Variants in CACNB2 observed in about 807,000 individuals in gnomAD.
CACNB2 encodes voltage-dependent L-type calcium channel subunit beta-2.
CACNB2 carries 42 observed loss-of-function variants against 73.3 expected under a neutral mutation model. That is an observed-to-expected ratio of 0.57 (90% CI 0.45 to 0.74). The LOEUF (loss-of-function observed/expected upper bound fraction) is 0.74, where lower values mean the gene tolerates loss of function less well. CACNB2 is among the 30% of genes least tolerant of loss of function. The pLI, the probability that CACNB2 is intolerant of heterozygous loss-of-function variation, is 0.00. For missense variants in CACNB2, 940 were observed against 853.0 expected (o/e 1.10, Z -1.27); for synonymous variants, 348 against 310.3 (o/e 1.12, Z -1.28).
intron 9 of CACNB2, among the ~76,000 whole-genome samples, chr10:18,519,449 G>A (rs1247672782): frequency 5.9e-5 from 9 of 152,188 alleles, no homozygotes; most frequent in African/African-American, 2.2e-4. Flanking sequence ...AACCCCGCCT[G>A]TGGAGTTGCA....
intron 2 of CACNB2, among the ~76,000 whole-genome samples, chr10:18,155,896 ATT>A (rs577385859): frequency 4.9e-3 from 91 of 18,572 alleles, no homozygotes; most frequent in African/African-American, 0.012. Flanking sequence ...GAGAGAACAT[ATT>A]ATATATATAT....
intron 3 of CACNB2, among the ~76,000 whole-genome samples, chr10:18,494,613 C>G (rs2049668499): frequency 8.0e-6 from 1 of 125,710 alleles, no homozygotes; most frequent in Admixed American, 9.8e-5. Flanking sequence ...GCCTGGGTGA[C>G]AGAGTGAGAC....
intron 2 of CACNB2, among the ~76,000 whole-genome samples, chr10:18,379,947 A>C (rs1182759952): frequency 6.6e-6 from 1 of 152,170 alleles, no homozygotes; most frequent in Non-Finnish European, 1.5e-5. Flanking sequence ...TTGGTCTCCC[A>C]AGGTGCTGGG....
At chr10:18,379,048 T>C (rs1289584603) in intron 2 of CACNB2, among the ~76,000 whole-genome samples, 1 of 152,104 alleles carries the variant, frequency 6.6e-6, no homozygotes, top group Non-Finnish European at 1.5e-5. Flanking sequence ...CTAGAGAGAA[T>C]TTCTTCTGTG....
chr10:18,476,957 T>G (rs1175603150), intron 3 of CACNB2, among the ~76,000 whole-genome samples: 1 of 151,088 alleles, frequency 6.6e-6, no homozygotes, highest in African/African-American at 2.4e-5. Context: ...GAGGCAGAGA[T>G]AGCAGTGAGC....
At chr10:18,514,153 A>T in intron 6 of CACNB2, 83 bp from the exon 7 acceptor site, 1 of 1,421,198 alleles carries the variant, frequency 7.0e-7, no homozygotes, top group Non-Finnish European at 9.9e-7. Flanking sequence ...TACTATGGTT[A>T]GTTTTATTTG....
At chr10:18,262,070 A>C (rs1336668491) in intron 2 of CACNB2, 9 of 516,750 alleles carry the variant, frequency 1.7e-5, no homozygotes, top group African/African-American at 1.7e-4. Flanking sequence ...TGTAAAAGGG[A>C]ACAGGAGGTT....
chr10:18,317,795 T>C (rs1483647214), intron 2 of CACNB2, among the ~76,000 whole-genome samples: 3 of 152,176 alleles, frequency 2.0e-5, no homozygotes, highest in African/African-American at 7.2e-5. Flanking sequence ...ATTCCATACA[T>C]ATTTATTGAG....
intron 2 of CACNB2, among the ~76,000 whole-genome samples, chr10:18,232,865 A>G (rs2036274997): frequency 6.6e-6 from 1 of 152,188 alleles, no homozygotes; most frequent in African/African-American, 2.4e-5. Context: ...AGACAGGCAG[A>G]TGGCTTGAGC....
At chr10:18,495,467 C>T (rs1218725890) in intron 3 of CACNB2, among the ~76,000 whole-genome samples, 1 of 152,140 alleles carries the variant, frequency 6.6e-6, no homozygotes, top group East Asian at 1.9e-4. Context: ...GATCCTCCCA[C>T]CTTGGCCTCC....
At chr10:18,345,419 ACT>A (rs765325247) in intron 2 of CACNB2, among the ~76,000 whole-genome samples, 7 of 152,230 alleles carry the variant, frequency 4.6e-5, no homozygotes, top group Non-Finnish European at 7.4e-5. Flanking sequence ...ATATTTATAT[ACT>A]CTCTGTATTT....
At chr10:18,322,876 A>T (rs2040443933) in intron 2 of CACNB2, among the ~76,000 whole-genome samples, 1 of 142,886 alleles carries the variant, frequency 7.0e-6, no homozygotes, top group African/African-American at 2.6e-5. Context: ...AATATTTTTA[A>T]TTTTTTTTTT....
chr10:18,488,446 G>A (rs972244264), intron 3 of CACNB2, among the ~76,000 whole-genome samples: 3 of 138,454 alleles, frequency 2.2e-5, no homozygotes, highest in African/African-American at 8.5e-5. Context: ...CTGCACTCCG[G>A]CCTGGGCGAC....
chr10:18,496,582 GC>G (rs1488295195), intron 3 of CACNB2, among the ~76,000 whole-genome samples: 10 of 152,062 alleles, frequency 6.6e-5, no homozygotes, highest in Admixed American at 6.5e-4. Context: ...GGAGGCCAAG[GC>G]AGGCAGATCA....
intron 2 of CACNB2, among the ~76,000 whole-genome samples, chr10:18,209,224 A>G (rs2035221193): frequency 6.6e-6 from 1 of 152,174 alleles, no homozygotes; most frequent in South Asian, 2.1e-4. Flanking sequence ...TTTTTTAATC[A>G]TATGCCTTAG....
intron 3 of CACNB2, among the ~76,000 whole-genome samples, chr10:18,489,663 A>C (rs2049295349): frequency 6.6e-6 from 1 of 152,292 alleles, no homozygotes; most frequent in Non-Finnish European, 1.5e-5. Flanking sequence ...TCTATGTATA[A>C]TATACAGCAC....
At position 18,254,269 on chromosome 10, in the gene CACNB2, T is replaced by G. The variant is rs563636141; in HGVS notation, c.213+103294T>G. On this transcript the variant is annotated intron_variant, in intron 2 of 13. Coordinates refer to ENST00000324631, the MANE Select transcript of CACNB2 (RefSeq NM_201596.3). ...AAGTATGACTGGGCTATCAGAGAAC[T>G]GGGATTTATTAGGGTTACACAATCT... Among the ~76,000 whole-genome samples, 5 of 152,354 alleles carry G rather than the reference T, an allele frequency of 3.3e-5. No individual in the cohort carries two copies. The South Asian group carries it at 6.2e-4, about 19-fold the overall frequency.
At chr10:18,379,706 G>T (rs2042936886) in intron 2 of CACNB2, among the ~76,000 whole-genome samples, 1 of 152,070 alleles carries the variant, frequency 6.6e-6, no homozygotes, top group African/African-American at 2.4e-5. Flanking sequence ...TGGACAAGGG[G>T]ACAGGGTTTC....
At chr10:18,504,454 C>A (rs906522344) in intron 5 of CACNB2, among the ~76,000 whole-genome samples, 1 of 152,060 alleles carries the variant, frequency 6.6e-6, no homozygotes, top group Admixed American at 6.5e-5. Flanking sequence ...TCCCTTAGGA[C>A]TCTGAGTTAT....
Sources: allele counts gnomAD v4.1 joint callset (sites outside exome capture counted in the v4.1 genomes callset), GRCh38; gene constraint gnomAD v4.1.1; transcripts MANE v1.5; gene names NCBI Gene and HGNC (gene_info 2026-07-23, HGNC 2026-07-21).